RAD18: variants seen among roughly 807,000 people sequenced by gnomAD.
RAD18 encodes RAD18 E3 ubiquitin protein ligase.
In RAD18, 47 loss-of-function variants were observed where a neutral mutation model predicts 60.4. The ratio of observed to expected loss-of-function variants is 0.78; its 90% CI spans 0.62 to 0.99. The LOEUF (loss-of-function observed/expected upper bound fraction) is 0.99, where lower values mean the gene tolerates loss of function less well. Among genes scored for constraint, RAD18 ranks in the 50% least tolerant of loss-of-function variants. RAD18 has a pLI of 0.00. For synonymous variants in RAD18, 225 were observed against 195.5 expected, an observed-to-expected ratio of 1.15 and a Z score of -1.26; for missense variants, 640 against 593.3, an observed-to-expected ratio of 1.08 and a Z score of -0.82.
chr3:8,916,605 A>G (rs1056201987), intron 7 of RAD18, among the ~76,000 whole-genome samples: 5 of 152,242 alleles, frequency 3.3e-5, no homozygotes, highest in East Asian at 3.8e-4. Flanking sequence ...AACAACATAC[A>G]TGAACAGATG....
At chr3:8,958,834 T>C (rs1390843127) in intron 2 of RAD18, 86 bp downstream of exon 2, 7 of 1,039,128 alleles carry the variant, frequency 6.7e-6, no homozygotes, top group Non-Finnish European at 1.1e-5. Flanking sequence ...GAAACATAAA[T>C]ATGTGCACAT....
intron 7 of RAD18, among the ~76,000 whole-genome samples, chr3:8,930,324 T>C (rs1940530193): frequency 6.6e-6 from 1 of 152,224 alleles, no homozygotes; most frequent in Admixed American, 6.5e-5. Flanking sequence ...CCACATGCTA[T>C]ATGGTTCCAC....
At chr3:8,929,896 G>A (rs902886449) in intron 7 of RAD18, among the ~76,000 whole-genome samples, 2 of 152,152 alleles carry the variant, frequency 1.3e-5, no homozygotes, top group African/African-American at 4.8e-5. Flanking sequence ...ACCTGCCTCG[G>A]CCTCCCAAAC....
intron 11 of RAD18, among the ~76,000 whole-genome samples, chr3:8,893,497 C>G (rs923306047): frequency 3.9e-5 from 6 of 152,060 alleles, no homozygotes; most frequent in Non-Finnish European, 5.9e-5. Flanking sequence ...CCCTCAAACC[C>G]CTATTTTTAG....
intron 1 of RAD18, among the ~76,000 whole-genome samples, chr3:8,961,241 G>A (rs192081493): frequency 3.1e-4 from 47 of 152,244 alleles, no homozygotes; most frequent in East Asian, 1.9e-3. Context: ...TATCACATGC[G>A]CCTCAACCAA....
At chr3:8,904,881 G>A (rs555375013) in intron 9 of RAD18, among the ~76,000 whole-genome samples, 1 of 152,176 alleles carries the variant, frequency 6.6e-6, no homozygotes, top group Non-Finnish European at 1.5e-5. Context: ...CACATTAACA[G>A]TTAAGGAGAC....
intron 8 of RAD18, 29 bp downstream of exon 8, chr3:8,913,615 C>G (rs1188526446): frequency 7.0e-7 from 1 of 1,426,822 alleles, no homozygotes; most frequent in Non-Finnish European, 9.4e-7. Flanking sequence ...TCATTTCTAT[C>G]CATATACTGA....
Position 8,899,015 on chromosome 3 carries a change from G to A in RAD18, c.1201C>T (p.His401Tyr), listed in dbSNP as rs1167388597. 2.5e-6 allele frequency: 4 copies of A among 1,606,450 alleles called. No individual in the cohort carries two copies. Among genetic ancestry groups the A allele is most frequent in the Non-Finnish European group, 1.7e-6 (2 of 1,175,834 alleles). ...GAGTCCAGCTTTGATTGAGAAAAGT[G>A]GTTTGTTACTGAGGTCATATTATCT... The part of the protein sequence containing the change: ...QEDNMTSVTN[H>Y]FSQSKLDSPE... The change falls in exon 11 of 13, where the codon CAC becomes TAC. Residue 401 changes from histidine (H) to tyrosine (Y), a missense_variant. Physicochemically the swap from His to Tyr is moderately conservative, Grantham distance 83 (BLOSUM62 2). Transcript: ENST00000264926.
At chr3:8,931,548 C>T (rs1370114923) in intron 7 of RAD18, 1 of 152,286 alleles carries the variant, frequency 6.6e-6, no homozygotes, top group Non-Finnish European at 1.5e-5. Context: ...ATGCCTGTAA[C>T]ATCGGGGCGA....
chr3:8,948,613 T>G (rs759124287), intron 2 of RAD18, 43 bp from the exon 3 acceptor site: 1 of 1,484,954 alleles, frequency 6.7e-7, no homozygotes, highest in Non-Finnish European at 9.3e-7. Context: ...TAAGCTATAT[T>G]AATAATACAG....
At chr3:8,941,024 G>A (rs918927297) in intron 5 of RAD18, among the ~76,000 whole-genome samples, 11 of 152,224 alleles carry the variant, frequency 7.2e-5, no homozygotes, top group Non-Finnish European at 1.6e-4. Context: ...GCTAGAGCAG[G>A]ACTTCTGAGA....
At chr3:8,948,369 G>T in intron 3 of RAD18, 140 bp downstream of exon 3, 2 of 662,128 alleles carry the variant, frequency 3.0e-6, no homozygotes, top group South Asian at 2.7e-5. Flanking sequence ...TACTTTAGAG[G>T]TCCTTTCTGA....
At chr3:8,925,253 C>T (rs1246946738) in intron 7 of RAD18, among the ~76,000 whole-genome samples, 4 of 152,096 alleles carry the variant, frequency 2.6e-5, no homozygotes, top group Non-Finnish European at 5.9e-5. Context: ...CACAGAAATA[C>T]AAATTACCAT....
intron 8 of RAD18, 58 bp downstream of exon 8, chr3:8,913,586 G>A: frequency 8.5e-7 from 1 of 1,182,302 alleles, no homozygotes; most frequent in Non-Finnish European, 1.2e-6. Flanking sequence ...TTTAATTTTT[G>A]TAGGGTATTA....
Position 8,937,714 on chromosome 3 carries a change from G to A in RAD18, c.705-1659C>T, listed in dbSNP as rs76862878. Among the ~76,000 whole-genome samples the A allele has an allele frequency of 6.7e-3, 1,019 of 152,198 alleles. 30 individuals carry two copies. In the East Asian group the frequency reaches 0.086, roughly 13 times the overall value. On this transcript the variant is annotated intron_variant, in intron 6 of 12. Coordinates refer to ENST00000264926, the MANE Select transcript of RAD18 (RefSeq NM_020165.4). ...AGTGATGAGAACAGAAAGGCTTGGC[G>A]GTCAAATAAATTTAGGATTACTAAA...
chr3:8,951,251 T>C lies in RAD18; in HGVS notation c.134-2681A>G, dbSNP rs181501142. ...TAAAATCAAAGATAACGAAAAAATA[T>C]TGAAAGAAGCTGTAGTGGGGGCCTT... On this transcript the variant is annotated intron_variant, in intron 2 of 12. Transcript: ENST00000264926. Among the ~76,000 whole-genome samples the C allele has an allele frequency of 9.7e-4, 147 of 152,030 alleles. 3 individuals carry two copies. The highest frequency in any genetic ancestry group is 9.5e-3 in the Admixed American group (145 of 15,268).
chr3:8,891,602 T>G (rs1197500198), intron 11 of RAD18, among the ~76,000 whole-genome samples: 1 of 152,188 alleles, frequency 6.6e-6, no homozygotes, highest in Non-Finnish European at 1.5e-5. Flanking sequence ...AATCTCCTCT[T>G]CCTCTGTGAC....
intron 11 of RAD18, among the ~76,000 whole-genome samples, chr3:8,898,678 A>G (rs1193320621): frequency 1.3e-5 from 2 of 152,172 alleles, no homozygotes; most frequent in Non-Finnish European, 2.9e-5. Context: ...AAGGCTATAG[A>G]GTAGAGACCA....
rs557733144 is a variant in RAD18, at chr3:8,934,548, C to A, written c.889+1323G>T. Among the ~76,000 whole-genome samples the A allele has an allele frequency of 2.1e-4, 32 of 152,182 alleles. No individual in the cohort carries two copies. In the South Asian group the frequency reaches 6.7e-3, roughly 32 times the overall value. On this transcript the variant is annotated intron_variant, in intron 7 of 12. Transcript: ENST00000264926. ...AAAATAACAAGGTACTACCATGGAC[C>A]CACTAGAATGGCTAAAATGGAGAGT...
Sources: gnomAD v4.1 joint callset for allele counts (sites outside exome capture counted in the v4.1 genomes callset) on GRCh38, gnomAD v4.1.1 for gene constraint, MANE v1.5 for transcripts, NCBI Gene and HGNC (gene_info 2026-07-23, HGNC 2026-07-21) for gene names.